The following CTNND2 variants were observed in gnomAD, a reference collection of about 807,000 sequenced individuals.
CTNND2 encodes the protein catenin delta 2, also known as catenin delta-2.
In CTNND2, 22 loss-of-function variants were observed where a neutral mutation model predicts 144.4. That is an observed-to-expected ratio of 0.15 (90% CI 0.11 to 0.22). CTNND2 has a LOEUF of 0.22. Ranked by LOEUF, CTNND2 falls within the 10% of genes least tolerant of loss-of-function variation. CTNND2 has a pLI of 1.00. For synonymous variants in CTNND2, 751 were observed against 695.6 expected, an observed-to-expected ratio of 1.08 and a Z score of -1.25; for missense variants, 1,353 against 1,618.8, an observed-to-expected ratio of 0.84 and a Z score of 2.82.
chr5:11,532,125 G>A (rs1287460807), intron 3 of CTNND2, among the ~76,000 whole-genome samples: 1 of 151,942 alleles, frequency 6.6e-6, no homozygotes, highest in Non-Finnish European at 1.5e-5. Flanking sequence ...CAGCCCCTTT[G>A]CACCACCTCC....
chr5:11,685,135 A>G (rs1373316354), intron 2 of CTNND2, among the ~76,000 whole-genome samples: 3 of 152,188 alleles, frequency 2.0e-5, no homozygotes, highest in Non-Finnish European at 4.4e-5. Flanking sequence ...GTAGATTACC[A>G]CAAAAAGAAA....
intron 9 of CTNND2, among the ~76,000 whole-genome samples, chr5:11,268,483 T>C (rs905485232): frequency 2.6e-4 from 39 of 152,048 alleles, no homozygotes; most frequent in African/African-American, 9.4e-4. Flanking sequence ...TACTCAGTGT[T>C]GGGGGCTGAG....
At chr5:11,649,137 T>G (rs568787875) in intron 2 of CTNND2, among the ~76,000 whole-genome samples, 1 of 152,330 alleles carries the variant, frequency 6.6e-6, no homozygotes, top group East Asian at 1.9e-4. Context: ...ATTAACAGCT[T>G]TATTTACATA....
At chr5:11,806,870 T>G (rs1401244656) in intron 1 of CTNND2, among the ~76,000 whole-genome samples, 1 of 152,124 alleles carries the variant, frequency 6.6e-6, no homozygotes, top group Non-Finnish European at 1.5e-5. Flanking sequence ...TCCACTTTTA[T>G]TAAGCAAAAC....
chr5:11,813,221 A>G (rs760860971), intron 1 of CTNND2, among the ~76,000 whole-genome samples: 1 of 152,202 alleles, frequency 6.6e-6, no homozygotes, highest in Non-Finnish European at 1.5e-5. Flanking sequence ...GTAGCCTAGA[A>G]GCAATGGGCC....
intron 1 of CTNND2, among the ~76,000 whole-genome samples, chr5:11,835,028 C>T (rs1794099275): frequency 1.3e-5 from 2 of 152,188 alleles, no homozygotes; most frequent in African/African-American, 4.8e-5. Flanking sequence ...AGTCCAGCTA[C>T]TCAGGAGGCT....
At chr5:11,185,311 T>C (rs1735514658) in intron 11 of CTNND2, among the ~76,000 whole-genome samples, 1 of 152,226 alleles carries the variant, frequency 6.6e-6, no homozygotes, top group Non-Finnish European at 1.5e-5. Context: ...AGTGGACTGC[T>C]CCTGGAGAAC....
intron 3 of CTNND2, among the ~76,000 whole-genome samples, chr5:11,542,706 A>G (rs1233323231): frequency 6.6e-6 from 1 of 152,246 alleles, no homozygotes; most frequent in Non-Finnish European, 1.5e-5. Context: ...ATTTTTTGAT[A>G]AACATTAAGA....
Position 11,823,514 on chromosome 5 carries a change from A to G in CTNND2, c.37+80303T>C, listed in dbSNP as rs1206780150. Among the ~76,000 whole-genome samples, 7 of 152,334 alleles carry G rather than the reference A, an allele frequency of 4.6e-5. 1 individual carries two copies. The South Asian group carries it at 1.4e-3, about 32-fold the overall frequency. ...TCACTGAGGATATTTTCATTGCTGAATAATGATAAAAACGTAAATATCAGT... is the reference window on the plus strand; with the variant it reads ...TCACTGAGGATATTTTCATTGCTGAGTAATGATAAAAACGTAAATATCAGT... On this transcript the variant is annotated intron_variant, in intron 1 of 21. Transcript: ENST00000304623.
Position 11,903,510 on chromosome 5 carries a change from G to T in CTNND2, c.37+307C>A. The T allele has an allele frequency of 1.6e-6, 1 of 615,814 alleles. No individual in the cohort carries two copies. The highest frequency in any genetic ancestry group is 2.3e-6 in the Non-Finnish European group (1 of 433,234). 38.1% of individuals were successfully genotyped at this position (615,814 alleles called of 1,614,324 possible). Reference sequence around the variant, plus strand: ...TCTCAGGGTGGCGGGGAGCAGCATTGTCGGTGTTGCCCTAAATACGCTTCC... The same window carrying T: ...TCTCAGGGTGGCGGGGAGCAGCATTTTCGGTGTTGCCCTAAATACGCTTCC... On this transcript the variant is annotated intron_variant, in intron 1 of 21. Coordinates refer to ENST00000304623, the MANE Select transcript of CTNND2 (RefSeq NM_001332.4). The surrounding 1 kb of genome is among the most constrained non-coding windows in gnomAD (Gnocchi z 5.4).
chr5:11,882,536 TA>T (rs1437939691), intron 1 of CTNND2, among the ~76,000 whole-genome samples: 5 of 152,094 alleles, frequency 3.3e-5, no homozygotes, highest in Non-Finnish European at 7.4e-5. Context: ...CAGCATTTAT[TA>T]AAAAGCATGT....
At chr5:11,213,046 T>C (rs1206274879) in intron 10 of CTNND2, among the ~76,000 whole-genome samples, 1 of 152,202 alleles carries the variant, frequency 6.6e-6, no homozygotes. Context: ...AGCTATTCAA[T>C]GGTTTGACCA....
chr5:11,003,984 C>T (rs1390341117), intron 18 of CTNND2, among the ~76,000 whole-genome samples: 1 of 152,134 alleles, frequency 6.6e-6, no homozygotes, highest in Non-Finnish European at 1.5e-5. Context: ...TTTAGGAATT[C>T]AATTTACTGC....
intron 2 of CTNND2, among the ~76,000 whole-genome samples, chr5:11,602,998 G>A (rs114312225): frequency 0.031 from 4,698 of 151,764 alleles, 242 homozygotes; most frequent in African/African-American, 0.11. Context: ...ATTTTGATAA[G>A]TATAACAGAA....
chr5:11,684,170 C>T (rs1784542947), intron 2 of CTNND2, among the ~76,000 whole-genome samples: 3 of 151,810 alleles, frequency 2.0e-5, no homozygotes, highest in African/African-American at 4.8e-5. Flanking sequence ...GGCACAATCT[C>T]GGCTCACTGC....
intron 12 of CTNND2, among the ~76,000 whole-genome samples, chr5:11,130,023 CT>C (rs1755409857): frequency 6.6e-6 from 1 of 152,066 alleles, no homozygotes; most frequent in South Asian, 2.1e-4. Flanking sequence ...ACAAGTTTCC[CT>C]AATTTTTTTT....
intron 2 of CTNND2, among the ~76,000 whole-genome samples, chr5:11,625,063 T>C (rs1781079391): frequency 1.3e-5 from 2 of 152,072 alleles, no homozygotes; most frequent in Non-Finnish European, 2.9e-5. Flanking sequence ...GTAAGTAGCA[T>C]ACAAAGATAT....
chr5:11,778,927 T>C (rs1164095043), intron 1 of CTNND2, among the ~76,000 whole-genome samples: 2 of 152,228 alleles, frequency 1.3e-5, no homozygotes, highest in African/African-American at 2.4e-5. Flanking sequence ...TTTTCTAAGA[T>C]TTAAAAGTTT....
intron 2 of CTNND2, among the ~76,000 whole-genome samples, chr5:11,666,467 G>A (rs1209722768): frequency 1.3e-5 from 2 of 152,150 alleles, no homozygotes; most frequent in Non-Finnish European, 2.9e-5. Context: ...TTTCATAGAT[G>A]GGATTGTTTC....
Sources: allele counts gnomAD v4.1 joint callset (sites outside exome capture counted in the v4.1 genomes callset), GRCh38; gene constraint gnomAD v4.1.1; non-coding constraint Gnocchi (gnomAD v3.1); transcripts MANE v1.5; gene names NCBI Gene and HGNC (gene_info 2026-07-23, HGNC 2026-07-21).